UBASH3B: variants seen among roughly 807,000 people sequenced by gnomAD.
UBASH3B encodes ubiquitin associated and SH3 domain containing B, also known as ubiquitin-associated and SH3 domain-containing protein B.
A neutral mutation model predicts 83.4 loss-of-function variants in UBASH3B; 37 were observed. The observed-to-expected ratio is 0.44, with a 90% confidence interval of 0.34 to 0.58. The LOEUF (loss-of-function observed/expected upper bound fraction) is 0.58. Ranked by LOEUF, UBASH3B falls within the 20% of genes least tolerant of loss-of-function variation. UBASH3B has a pLI of 0.01. For missense variants in UBASH3B, 657 were observed against 827.2 expected (o/e 0.79, Z 2.52); for synonymous variants, 304 against 318.3 (o/e 0.96, Z 0.48).
intron 1 of UBASH3B, among the ~76,000 whole-genome samples, chr11:122,713,040 T>C (rs2135937957): frequency 6.6e-6 from 1 of 151,480 alleles, no homozygotes; most frequent in African/African-American, 2.4e-5. Flanking sequence ...CCCGAGTAGC[T>C]GGGACTACAG....
At chr11:122,767,374 G>A (rs1475220511) in intron 1 of UBASH3B, among the ~76,000 whole-genome samples, 2 of 152,030 alleles carry the variant, frequency 1.3e-5, no homozygotes, top group African/African-American at 2.4e-5. Context: ...GCAATGGCAC[G>A]ATTTCGGCTC....
intron 1 of UBASH3B, among the ~76,000 whole-genome samples, chr11:122,685,957 A>T (rs924721609): frequency 1.6e-4 from 25 of 152,308 alleles, no homozygotes; most frequent in South Asian, 6.2e-4. Context: ...GAGAAAACTG[A>T]GGCTCTGAGA....
intron 11 of UBASH3B, among the ~76,000 whole-genome samples, chr11:122,805,511 A>T (rs947785163): frequency 2.6e-5 from 4 of 152,204 alleles, no homozygotes; most frequent in African/African-American, 9.6e-5. Flanking sequence ...CGGCCTGGGC[A>T]ACAAGAGTGA....
chr11:122,799,007 G>A lies in UBASH3B; in HGVS notation c.1423G>A (p.Val475Ile), dbSNP rs550761105. 81 of 1,613,886 alleles carry A rather than the reference G, an allele frequency of 5.0e-5. No individual in the cohort carries two copies. Among genetic ancestry groups the A allele is most frequent in the East Asian group, 2.0e-4 (9 of 44,894 alleles). ...CTATTGCTCCCCGTCCCTTCGCTGC[G>A]TTCAGACTGCACACAATATCTTGAA... Reference protein sequence around the residue: ...HVYCSPSLRCVQTAHNILKGL... With the variant: ...HVYCSPSLRCIQTAHNILKGL... Residue 475 changes from valine (V) to isoleucine (I), a missense_variant, in exon 10 of 14, where the codon GTT becomes ATT. This residue lies in a region of UBASH3B where 573 missense variants were observed against 739.0 expected (regional missense o/e 0.78). Transcript: ENST00000284273.
intron 1 of UBASH3B, among the ~76,000 whole-genome samples, chr11:122,691,058 C>A (rs527854894): frequency 6.6e-6 from 1 of 152,254 alleles, no homozygotes; most frequent in African/African-American, 2.4e-5. Flanking sequence ...AGGATTCTCC[C>A]CCTGGGTTAT....
At chr11:122,684,198 A>G (rs1163187325) in intron 1 of UBASH3B, among the ~76,000 whole-genome samples, 2 of 152,188 alleles carry the variant, frequency 1.3e-5, no homozygotes, top group Non-Finnish European at 2.9e-5. Flanking sequence ...GTGCACATTC[A>G]ACCCATCTAA....
At chr11:122,765,014 G>GA (rs57309301) in intron 1 of UBASH3B, among the ~76,000 whole-genome samples, 5,830 of 145,566 alleles carry the variant, frequency 0.04, 292 homozygotes, top group African/African-American at 0.12. Context: ...CTGCTGCATA[G>GA]AAAAAAAAAA....
chr11:122,702,816 G>A (rs1243704211), intron 1 of UBASH3B, among the ~76,000 whole-genome samples: 11 of 152,026 alleles, frequency 7.2e-5, no homozygotes, highest in Admixed American at 6.5e-4. Context: ...GTGAGCCACC[G>A]TGCCTGGCCA....
chr11:122,690,185 T>TCCA lies in UBASH3B; in HGVS notation c.161+33975_161+33976insCCA, dbSNP rs1414875973. On this transcript the variant is annotated intron_variant, in intron 1 of 13. Transcript: ENST00000284273. The stretch of plus-strand genomic sequence containing the variant: ...AGGAAAACATATATATATATATATA[T>TCCA]ATATATATATATATATATATATATC... 2.0e-3 allele frequency among the ~76,000 whole-genome samples: 44 copies of TCCA among 21,666 alleles called. 1 individual carries two copies. The highest frequency in any genetic ancestry group is 9.3e-3 in the East Asian group (2 of 216). 14.2% of individuals were successfully genotyped at this position (21,666 alleles called of 152,430 possible).
intron 13 of UBASH3B, 100 bp from the exon 14 acceptor site, chr11:122,809,649 G>A: frequency 1.6e-6 from 2 of 1,288,092 alleles, no homozygotes; most frequent in Non-Finnish European, 2.2e-6. Context: ...ATTTCTGACT[G>A]CAATTCTCTA....
Position 122,797,034 on chromosome 11 carries a change from G to A in UBASH3B, c.1357+1G>A. 1 of 1,606,286 alleles carries A rather than the reference G, an allele frequency of 6.2e-7. No individual in the cohort carries two copies. Among genetic ancestry groups the A allele is most frequent in the South Asian group, 1.1e-5 (1 of 89,858 alleles). On this transcript the variant is annotated splice_donor_variant, in intron 9 of 13. Coordinates refer to ENST00000284273, the MANE Select transcript of UBASH3B (RefSeq NM_032873.5). LOFTEE classifies it high-confidence loss of function. ...GGATGCATGCAAGCAAGACTAGTGG[G>A]TAAGTATCCTGGAGTGACTGCACTC...
rs185831792 is a variant in UBASH3B at position 122,707,937 on chromosome 11, C to T, written c.161+51727C>T. 1.5e-3 allele frequency among the ~76,000 whole-genome samples: 232 copies of T among 152,302 alleles called. 1 individual carries two copies. Among genetic ancestry groups the T allele is most frequent in the African/African-American group, 5.1e-3 (212 of 41,560 alleles). On this transcript the variant is annotated intron_variant, in intron 1 of 13. Transcript: ENST00000284273. ...CTCGAACTCCTGACCTCAGGCGATC[C>T]ATCTGCCTTGGCCTCCCAAAGTGCC...
At chr11:122,742,779 C>T (rs535154997) in intron 1 of UBASH3B, among the ~76,000 whole-genome samples, 451 of 152,208 alleles carry the variant, frequency 3.0e-3, no homozygotes, top group Non-Finnish European at 5.2e-3. Context: ...ACTGAAGTTC[C>T]GGAGATGTCA....
At chr11:122,696,264 A>G (rs1863963571) in intron 1 of UBASH3B, among the ~76,000 whole-genome samples, 1 of 150,880 alleles carries the variant, frequency 6.6e-6, no homozygotes, top group Admixed American at 6.6e-5. Flanking sequence ...ATAGTTTTTA[A>G]TTTCTCGGTA....
In UBASH3B at chr11:122,799,045, C is replaced by T; in HGVS notation, c.1450+11C>T. 1 of 1,611,740 alleles carries T rather than the reference C, an allele frequency of 6.2e-7. No homozygotes were observed. The highest frequency in any genetic ancestry group is 1.7e-5 in the Admixed American group (1 of 59,966). ...ACAATATCTTGAAAGGTAAGACTTGCAGGTTGACAAAAACAAGTAGTCCAT... is the reference window on the plus strand; with the variant it reads ...ACAATATCTTGAAAGGTAAGACTTGTAGGTTGACAAAAACAAGTAGTCCAT... On this transcript the variant is annotated intron_variant, in intron 10 of 13. Coordinates refer to ENST00000284273, the MANE Select transcript of UBASH3B (RefSeq NM_032873.5).
intron 1 of UBASH3B, among the ~76,000 whole-genome samples, chr11:122,694,613 A>G (rs1863938286): frequency 1.3e-5 from 2 of 152,216 alleles, no homozygotes; most frequent in African/African-American, 2.4e-5. Flanking sequence ...TTACTTAAAT[A>G]TAGTACAGTA....
intron 1 of UBASH3B, among the ~76,000 whole-genome samples, chr11:122,703,608 TAG>T (rs747122202): frequency 1.3e-5 from 2 of 152,314 alleles, no homozygotes; most frequent in Admixed American, 1.3e-4. Context: ...ATGTCTGAAA[TAG>T]AAACTTTTAG....
chr11:122,777,963 C>A (rs1274233942), intron 3 of UBASH3B, among the ~76,000 whole-genome samples: 1 of 152,108 alleles, frequency 6.6e-6, no homozygotes. Flanking sequence ...CTCTTCACCT[C>A]AAGTGATCCG....
chr11:122,745,628 C>G (rs573224082), intron 1 of UBASH3B, among the ~76,000 whole-genome samples: 1 of 152,304 alleles, frequency 6.6e-6, no homozygotes, highest in Admixed American at 6.5e-5. Context: ...TATTATTGAC[C>G]CACAGGCTTT....
Sources: gnomAD v4.1 joint callset for allele counts (sites outside exome capture counted in the v4.1 genomes callset) on GRCh38, gnomAD v4.1.1 for gene constraint, gnomAD v4.1.1 regional missense constraint, MANE v1.5 for transcripts, NCBI Gene and HGNC (gene_info 2026-07-23, HGNC 2026-07-21) for gene names.